PROCR: variants seen among roughly 807,000 people sequenced by gnomAD.
PROCR encodes endothelial protein C receptor.
A neutral mutation model predicts 24.2 loss-of-function variants in PROCR; 22 were observed. The observed-to-expected ratio is 0.91, with a 90% CI of 0.65 to 1.30. The LOEUF (loss-of-function observed/expected upper bound fraction) is 1.30, where lower values mean the gene tolerates loss of function less well. Ranked by LOEUF, PROCR falls within the 50% of genes most tolerant of loss-of-function variation. PROCR has a pLI of 0.00. For missense variants in PROCR, 288 were observed against 307.7 expected, an observed-to-expected ratio of 0.94 and a Z score of 0.48; for synonymous variants, 137 against 139.2, an observed-to-expected ratio of 0.98 and a Z score of 0.11.
At chr20:35,192,464 T>C (rs1013343594) in intron 1 of PROCR, among the ~76,000 whole-genome samples, 1 of 152,186 alleles carries the variant, frequency 6.6e-6, no homozygotes, top group Admixed American at 6.5e-5. Flanking sequence ...ACTGCTTCTG[T>C]GTTTCTTTGT....
chr20:35,178,223 G>A (rs187485984), downstream of PROCR, among the ~76,000 whole-genome samples: 1 of 151,744 alleles, frequency 6.6e-6, no homozygotes, highest in East Asian at 2.0e-4. Context: ...GGCCAACACA[G>A]TGAAACCCTA....
intron 1 of PROCR, among the ~76,000 whole-genome samples, chr20:35,197,773 GA>G (rs1482803182): frequency 6.7e-6 from 1 of 148,802 alleles, no homozygotes; most frequent in Non-Finnish European, 1.5e-5. Context: ...AGTGAGCCGA[GA>G]TCGCGCCACT....
chr20:35,174,780 T>A lies in PROCR; in HGVS notation c.149T>A (p.Leu50Gln). The A allele has an allele frequency of 6.2e-7, 1 of 1,613,946 alleles. No individual in the cohort carries two copies. Among genetic ancestry groups the A allele is most frequent in the Non-Finnish European group, 8.5e-7 (1 of 1,179,956 alleles). Residue 50 changes from leucine (L) to glutamine (Q), a missense_variant, in exon 2 of 4, where the codon CTG (leucine) becomes CAG (glutamine). Leu to Gln is a moderately radical substitution (Grantham distance 113). Coordinates refer to ENST00000216968, the MANE Select transcript of PROCR (RefSeq NM_006404.5). ...GTGTGGTACCAGGGCAACGCGTCGC[T>A]GGGGGGACACCTAACGCACGTGCTG... The part of the protein sequence containing the change: ...YHVWYQGNAS[L>Q]GGHLTHVLEG...
At chr20:35,205,606 C>A (rs1301359796) in intron 1 of PROCR, among the ~76,000 whole-genome samples, 2 of 149,498 alleles carry the variant, frequency 1.3e-5, no homozygotes, top group African/African-American at 4.9e-5. Context: ...ACAAAATTAG[C>A]CGGGTGTGGT....
intron 1 of PROCR, among the ~76,000 whole-genome samples, chr20:35,188,291 T>G (rs2086144602): frequency 6.6e-6 from 1 of 152,130 alleles, no homozygotes; most frequent in Non-Finnish European, 1.5e-5. Context: ...AGGAGAAGCA[T>G]ACAAAGCAGT....
intron 1 of PROCR, among the ~76,000 whole-genome samples, chr20:35,204,494 TG>T (rs1248250690): frequency 6.6e-6 from 1 of 151,890 alleles, no homozygotes; most frequent in Non-Finnish European, 1.5e-5. Context: ...TGGAGTACAG[TG>T]GTGCAATCAC....
Position 35,176,977 on chromosome 20 carries a change from A to C in PROCR, c.*164A>C. 6.7e-7 allele frequency: 1 copy of C among 1,488,826 alleles called. No homozygotes were observed. The highest frequency in any genetic ancestry group is 8.9e-7 in the Non-Finnish European group (1 of 1,118,614). 92.2% of individuals were successfully genotyped at this position (1,488,826 alleles called of 1,614,324 possible). Reference sequence around the variant, plus strand: ...CCACTGAAGATTTGAGGGAGGGGAGATGGAGAGGAGAGGTGGACAAAGTAC... The same window carrying C: ...CCACTGAAGATTTGAGGGAGGGGAGCTGGAGAGGAGAGGTGGACAAAGTAC... On this transcript the variant is annotated 3_prime_UTR_variant, in exon 4 of 4. Transcript: ENST00000216968.
intron 1 of PROCR, among the ~76,000 whole-genome samples, chr20:35,209,459 T>A (rs1453613086): frequency 6.6e-6 from 1 of 152,210 alleles, no homozygotes; most frequent in Non-Finnish European, 1.5e-5. Context: ...GCAAGGTCTA[T>A]GCTAGAAATA....
At chr20:35,201,581 G>A (rs957820239) in intron 1 of PROCR, among the ~76,000 whole-genome samples, 3 of 151,916 alleles carry the variant, frequency 2.0e-5, no homozygotes, top group East Asian at 1.9e-4. Flanking sequence ...CCAGCTACTC[G>A]GGAGGCTGAG....
intron 1 of PROCR, among the ~76,000 whole-genome samples, chr20:35,173,556 A>C (rs2085973316): frequency 6.7e-6 from 1 of 149,472 alleles, no homozygotes; most frequent in Non-Finnish European, 1.5e-5. Flanking sequence ...CAGCCTCCTG[A>C]GTAGCTGGGA....
intron 1 of PROCR, among the ~76,000 whole-genome samples, chr20:35,191,498 A>G (rs2086173394): frequency 6.6e-6 from 1 of 152,140 alleles, no homozygotes; most frequent in Admixed American, 6.6e-5. Flanking sequence ...ATTAGTAGGA[A>G]ATAGGTAGAA....
chr20:35,185,252 T>C (rs2086114696), intron 1 of PROCR, among the ~76,000 whole-genome samples: 1 of 152,162 alleles, frequency 6.6e-6, no homozygotes, highest in South Asian at 2.1e-4. Context: ...TTGACGTGGA[T>C]GCAGCAATCA....
At chr20:35,213,756 A>G (rs2060370583) in intron 1 of PROCR, among the ~76,000 whole-genome samples, 3 of 152,190 alleles carry the variant, frequency 2.0e-5, no homozygotes, top group Non-Finnish European at 4.4e-5. Flanking sequence ...AAGTCAAAAG[A>G]TACAAAAAGG....
chr20:35,191,020 C>T (rs2086169103), intron 1 of PROCR, among the ~76,000 whole-genome samples: 1 of 152,024 alleles, frequency 6.6e-6, no homozygotes, highest in African/African-American at 2.4e-5. Context: ...CCACCAGGCC[C>T]AGCTAATTTT....
At chr20:35,192,714 T>A (rs1046164724) in intron 1 of PROCR, among the ~76,000 whole-genome samples, 3 of 152,058 alleles carry the variant, frequency 2.0e-5, no homozygotes, top group African/African-American at 7.3e-5. Context: ...TATGTTTTAC[T>A]GTCTGCTCTT....
At chr20:35,189,100 C>T (rs760423709) in intron 1 of PROCR, among the ~76,000 whole-genome samples, 15 of 152,108 alleles carry the variant, frequency 9.9e-5, no homozygotes, top group South Asian at 2.1e-4. Context: ...ATAACAGCGA[C>T]GTTCAGGGAA....
intron 1 of PROCR, among the ~76,000 whole-genome samples, chr20:35,210,835 C>T (rs1348598696): frequency 6.6e-6 from 1 of 151,974 alleles, no homozygotes; most frequent in Non-Finnish European, 1.5e-5. Flanking sequence ...GCCTCAGCCT[C>T]CCCAGTAGCT....
chr20:35,190,175 C>T (rs527338002), intron 1 of PROCR, among the ~76,000 whole-genome samples: 8 of 152,164 alleles, frequency 5.3e-5, no homozygotes, highest in East Asian at 3.9e-4. Flanking sequence ...TTGGTATATC[C>T]GATGATCTGT....
At position 35,177,018 on chromosome 20, in the gene PROCR, C is replaced by A; in HGVS notation, c.*205C>A. 7.1e-7 allele frequency: 1 copy of A among 1,402,476 alleles called. No individual in the cohort carries two copies. The highest frequency in any genetic ancestry group is 2.8e-5 in the East Asian group (1 of 35,344). The allele number at this position is 1,402,476 out of a possible 1,614,324, so 86.9% of individuals were successfully genotyped here. On this transcript the variant is annotated 3_prime_UTR_variant, in exon 4 of 4. Coordinates refer to ENST00000216968, the MANE Select transcript of PROCR (RefSeq NM_006404.5). ...GACAAAGTACTTGGTTTGCTAAGAA[C>A]CTAAGAACGTGTATGCTTTGCTGAA...
Sources: allele counts gnomAD v4.1 joint callset (sites outside exome capture counted in the v4.1 genomes callset), GRCh38; gene constraint gnomAD v4.1.1; transcripts MANE v1.5; gene names NCBI Gene and HGNC (gene_info 2026-07-23, HGNC 2026-07-21).